ANKRD13A: variants seen among roughly 807,000 people sequenced by gnomAD.
ANKRD13A encodes ankyrin repeat domain 13A.
A neutral mutation model predicts 81.3 loss-of-function variants in ANKRD13A; 48 were observed. The observed-to-expected ratio is 0.59, with a 90% CI of 0.47 to 0.75. The LOEUF (loss-of-function observed/expected upper bound fraction) is 0.75, where lower values mean the gene tolerates loss of function less well. Ranked by LOEUF, ANKRD13A falls within the 30% of genes least tolerant of loss-of-function variation. The probability of loss-of-function intolerance (pLI) is 0.00; values close to 1 mark genes in which losing one functional copy is unlikely to be tolerated. For synonymous variants in ANKRD13A, 230 were observed against 270.1 expected, an observed-to-expected ratio of 0.85 and a Z score of 1.45; for missense variants, 612 against 734.0, an observed-to-expected ratio of 0.83 and a Z score of 1.92.
intron 12 of ANKRD13A, among the ~76,000 whole-genome samples, chr12:110,031,660 G>C (rs2137173641): frequency 6.6e-6 from 1 of 152,224 alleles, no homozygotes; most frequent in Non-Finnish European, 1.5e-5. Context: ...ACAAATGTAT[G>C]CATCTGTGTA....
intron 2 of ANKRD13A, 33 bp from the exon 3 acceptor site, chr12:110,013,092 A>G: frequency 6.2e-7 from 1 of 1,611,396 alleles, no homozygotes; most frequent in Non-Finnish European, 8.5e-7. Flanking sequence ...GTCAGAAAGT[A>G]TGAGAATTAA....
intron 12 of ANKRD13A, among the ~76,000 whole-genome samples, chr12:110,032,968 A>G (rs1184955162): frequency 4.6e-5 from 7 of 151,942 alleles, no homozygotes; most frequent in Non-Finnish European, 1.0e-4. Flanking sequence ...ATTCTGAATT[A>G]TGTATTTACC....
rs746901473 is a variant in ANKRD13A at position 110,019,280 on chromosome 12, G to A, written c.686G>A (p.Ser229Asn). Residue 229 changes from serine (S) to asparagine (N), a missense_variant, in exon 6 of 15, where the codon AGC (serine) becomes AAC (asparagine). Ser to Asn is a conservative substitution (Grantham distance 46). Transcript: ENST00000261739. ...AGGGAAGTTGAGCGGCGGCTCACAA[G>A]CCCTGTCATTAACACCAGCCTCGAT... ...KSREVERRLT[S>N]PVINTSLDTK... is the part of the protein sequence containing the mutation. The A allele has an allele frequency of 2.6e-5, 42 of 1,613,712 alleles. No homozygotes were observed. The highest frequency in any genetic ancestry group is 3.1e-5 in the Non-Finnish European group (37 of 1,179,816).
Position 110,026,081 on chromosome 12 carries a change from C to T in ANKRD13A, c.883+258C>T, listed in dbSNP as rs1048601146. ...GGTTCAAGTGATTCTCCTGCCTCAG[C>T]CTCCTGAGTAGCTGGGATTACAAGC... On this transcript the variant is annotated intron_variant, in intron 8 of 14. Transcript: ENST00000261739. 3.3e-5 allele frequency among the ~76,000 whole-genome samples: 5 copies of T among 151,806 alleles called. No individual in the cohort carries two copies. In the South Asian group the frequency reaches 6.2e-4, roughly 19 times the overall value.
intron 1 of ANKRD13A, among the ~76,000 whole-genome samples, chr12:110,009,396 T>G (rs1180593985): frequency 6.6e-6 from 1 of 152,196 alleles, no homozygotes; most frequent in African/African-American, 2.4e-5. Flanking sequence ...TTTTCTTTTA[T>G]AATCCTTTTT....
At chr12:110,027,546 G>C (rs1891412204) in intron 8 of ANKRD13A, 159 bp from the exon 9 acceptor site, 1 of 681,664 alleles carries the variant, frequency 1.5e-6, no homozygotes, top group African/African-American at 1.8e-5. Flanking sequence ...CCCTATAAAG[G>C]ATAAATTAGT....
At position 110,021,988 on chromosome 12, in the gene ANKRD13A, C is replaced by G. The variant is rs781655121; in HGVS notation, c.735-2058C>G. 8 of 151,490 alleles carry G rather than the reference C, an allele frequency of 5.3e-5. No individual in the cohort carries two copies. In the East Asian group the frequency reaches 5.8e-4, roughly 11 times the overall value. The allele number at this position is 151,490 out of a possible 1,614,324, so 9.4% of individuals were successfully genotyped here. ...CCTGTGAAGTGGCCTTTGGTGTGGT[C>G]TCAGTGGAGACAGGCAGAGGTGAAA... On this transcript the variant is annotated intron_variant, in intron 6 of 14. Transcript: ENST00000261739.
At chr12:110,016,497 T>C (rs1890811403) in intron 4 of ANKRD13A, 64 bp downstream of exon 4, 6 of 1,438,472 alleles carry the variant, frequency 4.2e-6, no homozygotes, top group Non-Finnish European at 5.7e-6. Context: ...CATGTAGGTT[T>C]ATTTTTCCTT....
At chr12:110,035,986 GTA>G (rs1468875099) in intron 13 of ANKRD13A, among the ~76,000 whole-genome samples, 1 of 152,162 alleles carries the variant, frequency 6.6e-6, no homozygotes, top group Non-Finnish European at 1.5e-5. Context: ...TTTTCGTTGT[GTA>G]TATCTTCCAC....
In ANKRD13A at chr12:110,036,659, G is replaced by A. The variant is rs1892068680; in HGVS notation, c.1577+331G>A. On this transcript the variant is annotated intron_variant, in intron 14 of 14. Coordinates refer to ENST00000261739, the MANE Select transcript of ANKRD13A (RefSeq NM_033121.2). The surrounding 1 kb of genome is among the most constrained non-coding windows in gnomAD (Gnocchi z 4.6). Reference sequence around the variant, plus strand: ...CTCAGCTACTCGGGAGGCTGAGGCAGGAGAATGGCAAACCCAGGAGGCGGA... The same window carrying A: ...CTCAGCTACTCGGGAGGCTGAGGCAAGAGAATGGCAAACCCAGGAGGCGGA... Among the ~76,000 whole-genome samples the A allele has an allele frequency of 6.6e-6, 1 of 152,188 alleles. No homozygotes were observed. Among genetic ancestry groups the A allele is most frequent in the African/African-American group, 2.4e-5 (1 of 41,454 alleles).
At chr12:110,012,841 A>AT (rs1332456117) in intron 2 of ANKRD13A, among the ~76,000 whole-genome samples, 1 of 152,188 alleles carries the variant, frequency 6.6e-6, no homozygotes, top group African/African-American at 2.4e-5. Flanking sequence ...GTGTGATCGT[A>AT]TAGTTAAAGC....
chr12:110,025,904 T>C, intron 8 of ANKRD13A, 81 bp downstream of exon 8: 1 of 1,240,318 alleles, frequency 8.1e-7, no homozygotes, highest in Non-Finnish European at 1.2e-6. Context: ...CTCTGTTAAG[T>C]TTAGGGTTAA....
intron 14 of ANKRD13A, 24 bp from the exon 15 acceptor site, chr12:110,037,335 C>G (rs200987985): frequency 5.6e-6 from 9 of 1,602,218 alleles, no homozygotes; most frequent in Non-Finnish European, 7.7e-6. Flanking sequence ...GTGACTCTCC[C>G]TTTTTATCTG....
Position 109,999,430 on chromosome 12 carries a change from A to G in ANKRD13A, c.-259A>G, listed in dbSNP as rs1368132214. On this transcript the variant is annotated 5_prime_UTR_variant, in exon 1 of 15. Transcript: ENST00000261739. This position sits in a 1 kb window ranked among gnomAD's most constrained non-coding sequence, Gnocchi z 4.3. ...CCCTGTTTGGGGCAGTTAGGTCCGC[A>G]GAAGTCTGTCCGCGAGCTGTCAGCG... is the stretch of plus-strand genomic sequence containing the variant. The G allele has an allele frequency of 4.8e-6, 1 of 208,400 alleles. No individual in the cohort carries two copies. The allele number at this position is 208,400 out of a possible 1,614,324, so 12.9% of individuals were successfully genotyped here. A position where few individuals can be genotyped will look rare whatever the true frequency, so the allele number is the denominator to read the frequency against.
intron 6 of ANKRD13A, among the ~76,000 whole-genome samples, chr12:110,020,753 C>T (rs375815018): frequency 4.6e-4 from 70 of 152,342 alleles, no homozygotes; most frequent in Middle Eastern, 3.4e-3. Context: ...ACTGTTCATC[C>T]GTAGGGATGA....
chr12:110,005,202 C>T (rs999644987), intron 1 of ANKRD13A, among the ~76,000 whole-genome samples: 1 of 151,922 alleles, frequency 6.6e-6, no homozygotes, highest in Non-Finnish European at 1.5e-5. Context: ...CCTAGGCTGG[C>T]ACCATCACAG....
chr12:110,020,815 T>C (rs1291814392), intron 6 of ANKRD13A, among the ~76,000 whole-genome samples: 4 of 152,246 alleles, frequency 2.6e-5, no homozygotes, highest in South Asian at 4.1e-4. Flanking sequence ...ACTGCGACTT[T>C]GGGCAAGTGG....
In ANKRD13A at chr12:109,999,541, C is replaced by T; in HGVS notation, c.-148C>T. On this transcript the variant is annotated 5_prime_UTR_variant, in exon 1 of 15. Coordinates refer to ENST00000261739, the MANE Select transcript of ANKRD13A (RefSeq NM_033121.2). This position sits in a 1 kb window ranked among gnomAD's most constrained non-coding sequence, Gnocchi z 4.3. ...GCGACCCCGGACCTCCCGCGCGCCC[C>T]GCACCCGACCGGCTCAGCCGGCCGG... The T allele has an allele frequency of 2.0e-6, 1 of 492,976 alleles. No individual in the cohort carries two copies. The highest frequency in any genetic ancestry group is 6.0e-4 in the Middle Eastern group (1 of 1,656). The allele number at this position is 492,976 out of a possible 1,614,324, so 30.5% of individuals were successfully genotyped here.
At chr12:110,037,212 C>A (rs1892114860) in intron 14 of ANKRD13A, 147 bp from the exon 15 acceptor site, 1 of 809,192 alleles carries the variant, frequency 1.2e-6, no homozygotes, top group Non-Finnish European at 2.0e-6. Context: ...AACACCTACA[C>A]CGCCAGTTAT....
Sources: gnomAD v4.1 joint callset for allele counts (sites outside exome capture counted in the v4.1 genomes callset) on GRCh38, gnomAD v4.1.1 for gene constraint, Gnocchi (gnomAD v3.1) non-coding constraint, MANE v1.5 for transcripts, NCBI Gene and HGNC (gene_info 2026-07-23, HGNC 2026-07-21) for gene names.